Variants in RBFOX1 observed in about 807,000 individuals in gnomAD.
RBFOX1 encodes RNA binding protein fox-1 homolog 1.
RBFOX1 carries 8 observed loss-of-function variants against 57.7 expected under a neutral mutation model. That is an observed-to-expected ratio of 0.14 (90% CI 0.08 to 0.25). The LOEUF (loss-of-function observed/expected upper bound fraction) is 0.25, where lower values mean the gene tolerates loss of function less well. Among genes scored for constraint, RBFOX1 ranks in the 10% least tolerant of loss-of-function variants. The pLI, the probability that RBFOX1 is intolerant of heterozygous loss-of-function variation, is 1.00. For synonymous variants in RBFOX1, 326 were observed against 222.4 expected (o/e 1.47, Z -4.15); for missense variants, 611 against 548.5 (o/e 1.11, Z -1.14).
intron 4 of RBFOX1, among the ~76,000 whole-genome samples, chr16:7,265,941 G>C (rs1299318750): frequency 7.1e-6 from 1 of 141,004 alleles, no homozygotes; most frequent in African/African-American, 2.6e-5. Context: ...CAGTGAGTGA[G>C]TTATGAGATC....
chr16:5,828,695 G>A (rs7201801), intron 3 of RBFOX1, among the ~76,000 whole-genome samples: 32,964 of 151,420 alleles, frequency 0.22, 4,424 homozygotes, highest in African/African-American at 0.37. Context: ...CTCCAAAAAA[G>A]AAAAGAAAAG....
At position 7,528,250 on chromosome 16, in the gene RBFOX1, T is replaced by G. The variant is rs921272980; in HGVS notation, c.270+9861T>G. ...CATCTGACAAGTTTCATCGTGACTT[T>G]GTCCTCATTTGGTGCTTTGTGCTTA... On this transcript the variant is annotated intron_variant, in intron 5 of 15. Coordinates refer to ENST00000550418, the MANE Select transcript of RBFOX1 (RefSeq NM_018723.4). Among the ~76,000 whole-genome samples the G allele has an allele frequency of 2.4e-4, 36 of 152,226 alleles. 1 individual carries two copies. Among genetic ancestry groups the G allele is most frequent in the Non-Finnish European group, 1.5e-5 (1 of 68,050 alleles).
chr16:7,656,640 C>T lies in RBFOX1; in HGVS notation c.890+2693C>T, dbSNP rs533222278. 9.2e-5 allele frequency among the ~76,000 whole-genome samples: 14 copies of T among 152,280 alleles called. No individual in the cohort carries two copies. In the South Asian group the frequency reaches 1.0e-3, roughly 11 times the overall value. On this transcript the variant is annotated intron_variant, in intron 12 of 15. Coordinates refer to ENST00000550418, the MANE Select transcript of RBFOX1 (RefSeq NM_018723.4). ...TGGAGGAAAACTAAGATTTGACTGA[C>T]GTCTTTACCCCAGCCCAGTGCAGCT...
intron 10 of RBFOX1, among the ~76,000 whole-genome samples, chr16:7,617,175 C>A (rs1596565150): frequency 1.3e-5 from 2 of 152,246 alleles, no homozygotes; most frequent in East Asian, 3.9e-4. Flanking sequence ...GGTCTTCAAA[C>A]AACTTATCAC....
intron 4 of RBFOX1, among the ~76,000 whole-genome samples, chr16:5,970,915 C>T (rs181390831): frequency 1.6e-4 from 24 of 152,304 alleles, no homozygotes; most frequent in African/African-American, 5.3e-4. Flanking sequence ...AGCATGTGTT[C>T]TCAGTGCACC....
intron 1 of RBFOX1, among the ~76,000 whole-genome samples, chr16:6,127,715 C>G (rs529259267): frequency 1.3e-5 from 2 of 152,096 alleles, no homozygotes; most frequent in Non-Finnish European, 2.9e-5. Flanking sequence ...AAAGGTCACA[C>G]CATTAAATAA....
chr16:5,417,320 A>C (rs141360316), intron 1 of RBFOX1, among the ~76,000 whole-genome samples: 2 of 152,352 alleles, frequency 1.3e-5, no homozygotes, highest in Non-Finnish European at 2.9e-5. Context: ...CACAGTGAAA[A>C]CAGGCTAGGG....
At chr16:7,177,286 G>T (rs2081868287) in intron 4 of RBFOX1, among the ~76,000 whole-genome samples, 1 of 152,154 alleles carries the variant, frequency 6.6e-6, no homozygotes, top group Non-Finnish European at 1.5e-5. Context: ...AAAAGTGTCA[G>T]TTCTACAAGC....
intron 3 of RBFOX1, among the ~76,000 whole-genome samples, chr16:5,766,149 T>C (rs1185833209): frequency 4.6e-5 from 7 of 152,188 alleles, no homozygotes; most frequent in Admixed American, 6.5e-5. Flanking sequence ...ATCATAGATA[T>C]TCATGGTATT....
At chr16:7,292,853 G>C (rs1382716266) in intron 4 of RBFOX1, among the ~76,000 whole-genome samples, 1 of 152,116 alleles carries the variant, frequency 6.6e-6, no homozygotes, top group Non-Finnish European at 1.5e-5. Flanking sequence ...GGTTTGGAAA[G>C]ATGGCTTGAT....
chr16:5,971,065 C>T (rs923993773), intron 4 of RBFOX1, among the ~76,000 whole-genome samples: 3 of 152,188 alleles, frequency 2.0e-5, no homozygotes, highest in African/African-American at 7.2e-5. Context: ...TGACAGTGTT[C>T]CTGTCCCCTT....
intron 5 of RBFOX1, among the ~76,000 whole-genome samples, chr16:7,577,408 C>T (rs1463039185): frequency 6.6e-6 from 1 of 152,196 alleles, no homozygotes; most frequent in African/African-American, 2.4e-5. Context: ...GAATCCAAGA[C>T]ATCATTTCAC....
chr16:6,344,326 C>T (rs1047356280), intron 2 of RBFOX1, among the ~76,000 whole-genome samples: 1 of 151,934 alleles, frequency 6.6e-6, no homozygotes, highest in Non-Finnish European at 1.5e-5. Context: ...GCTGCAATTA[C>T]AAGCATGAGC....
chr16:6,708,716 C>G (rs1603449324), intron 3 of RBFOX1, among the ~76,000 whole-genome samples: 1 of 152,302 alleles, frequency 6.6e-6, no homozygotes, highest in East Asian at 1.9e-4. Flanking sequence ...CACCTGTTCC[C>G]TTCTTGCCCT....
chr16:6,417,054 C>T (rs1029032695), intron 2 of RBFOX1, among the ~76,000 whole-genome samples: 1 of 152,150 alleles, frequency 6.6e-6, no homozygotes, highest in Non-Finnish European at 1.5e-5. Flanking sequence ...CTCTGTCACC[C>T]AGGCTAAAGT....
chr16:6,673,161 C>A (rs1049557699), intron 3 of RBFOX1, among the ~76,000 whole-genome samples: 6 of 152,190 alleles, frequency 3.9e-5, no homozygotes, highest in African/African-American at 1.4e-4. Context: ...GTCTACACTT[C>A]CCAGGCTCAT....
At position 5,751,122 on chromosome 16, in the gene RBFOX1, C is replaced by A. The variant is rs372692017; in HGVS notation, c.319-116181C>A. Among the ~76,000 whole-genome samples the A allele has an allele frequency of 9.2e-5, 14 of 152,290 alleles. No individual in the cohort carries two copies. The South Asian group carries it at 2.1e-3, about 23-fold the overall frequency. On this transcript the variant is annotated intron_variant, in intron 3 of 19. Transcript: ENST00000641259. ...CCTCCTAAAGTGCTGGGATTACAGG[C>A]ATGAGCCATCGTGCCTTGCCAAGAA... is the stretch of plus-strand genomic sequence containing the variant.
chr16:5,664,011 TG>T (rs1378009445), intron 3 of RBFOX1, among the ~76,000 whole-genome samples: 2 of 152,124 alleles, frequency 1.3e-5, no homozygotes, highest in Admixed American at 1.3e-4. Context: ...GAGCTGCTCC[TG>T]GGGACCCCAC....
intron 3 of RBFOX1, among the ~76,000 whole-genome samples, chr16:6,725,240 A>T (rs2066922943): frequency 6.6e-6 from 1 of 151,750 alleles, no homozygotes; most frequent in Non-Finnish European, 1.5e-5. Context: ...TTTAGTAGGG[A>T]CAGGGTTTCA....
Sources: allele counts gnomAD v4.1 joint callset (sites outside exome capture counted in the v4.1 genomes callset), GRCh38; gene constraint gnomAD v4.1.1; transcripts MANE v1.5; gene names NCBI Gene and HGNC (gene_info 2026-07-23, HGNC 2026-07-21).